Variants in CNTNAP2 observed in about 807,000 individuals in gnomAD.
The protein encoded by CNTNAP2 is contactin-associated protein-like 2.
CNTNAP2 carries 98 observed loss-of-function variants against 155.2 expected under a neutral mutation model. The observed-to-expected ratio is 0.63, with a 90% confidence interval of 0.54 to 0.75. The LOEUF (loss-of-function observed/expected upper bound fraction) is 0.75. Ranked by LOEUF, CNTNAP2 falls within the 30% of genes least tolerant of loss-of-function variation. CNTNAP2 has a pLI of 0.00. For synonymous variants in CNTNAP2, 651 were observed against 631.2 expected, an observed-to-expected ratio of 1.03 and a Z score of -0.47; for missense variants, 1,727 against 1,688.1, an observed-to-expected ratio of 1.02 and a Z score of -0.40.
At chr7:147,536,517 G>C (rs1304224305) in intron 11 of CNTNAP2, among the ~76,000 whole-genome samples, 1 of 152,180 alleles carries the variant, frequency 6.6e-6, no homozygotes, top group Non-Finnish European at 1.5e-5. Context: ...CCAGACCCCA[G>C]CTGCCTTGTG....
Position 147,132,179 on chromosome 7 carries a change from A to T in CNTNAP2, c.1084-66A>T, listed in dbSNP as rs532818751. 4.4e-6 allele frequency: 7 copies of T among 1,590,940 alleles called. No individual in the cohort carries two copies. In the East Asian group the frequency reaches 1.6e-4, roughly 36 times the overall value. On this transcript the variant is annotated intron_variant, in intron 7 of 23. Transcript: ENST00000361727. ...AAACTTGTAGAACTATACTTTCATC[A>T]GTGGTCTGACATGGATGTTCATTTT...
rs371090692 is a variant in CNTNAP2, at chr7:147,609,530, C to CAATT, written c.1898-29553_1898-29550dup. Among the ~76,000 whole-genome samples the CAATT allele has an allele frequency of 5.6e-3, 850 of 151,574 alleles. 10 individuals are homozygous for CAATT. Among genetic ancestry groups the CAATT allele is most frequent in the African/African-American group, 0.018 (753 of 41,236 alleles). On this transcript the variant is annotated intron_variant, in intron 12 of 23. Transcript: ENST00000361727. ...TGGGTGACAGAGCGAGACTCTGTCT[C>CAATT]AATTAATTAATTAATTAATTAATTA...
intron 15 of CNTNAP2, among the ~76,000 whole-genome samples, chr7:148,017,617 A>C (rs1802202986): frequency 6.6e-6 from 1 of 152,212 alleles, no homozygotes; most frequent in African/African-American, 2.4e-5. Flanking sequence ...AGTAGTAGCC[A>C]ATTGGTAAGT....
rs144839693 is a variant in CNTNAP2, at chr7:146,549,067, T to C, written c.98-225204T>C. 2.3e-3 allele frequency among the ~76,000 whole-genome samples: 346 copies of C among 151,930 alleles called. 1 individual carries two copies. The highest frequency in any genetic ancestry group is 7.8e-3 in the African/African-American group (324 of 41,516). On this transcript the variant is annotated intron_variant, in intron 1 of 23. Transcript: ENST00000361727. ...ATAAGAGTCCAATTTCCTTTTTTTT[T>C]TTTTGCATGTGGATGTTCAGTTTTG...
chr7:146,515,437 T>C (rs957777158), intron 1 of CNTNAP2, among the ~76,000 whole-genome samples: 10 of 152,136 alleles, frequency 6.6e-5, no homozygotes, highest in Non-Finnish European at 1.5e-4. Flanking sequence ...CATTTGTTTG[T>C]GGCCCTATGG....
At chr7:146,132,167 G>T (rs775281382) in intron 1 of CNTNAP2, among the ~76,000 whole-genome samples, 1 of 152,014 alleles carries the variant, frequency 6.6e-6, no homozygotes, top group African/African-American at 2.4e-5. Context: ...GCTAAAATAC[G>T]TTCTTTACAG....
chr7:146,506,342 G>A (rs1420319588), intron 1 of CNTNAP2, among the ~76,000 whole-genome samples: 1 of 152,216 alleles, frequency 6.6e-6, no homozygotes, highest in Non-Finnish European at 1.5e-5. Flanking sequence ...GGGTATGTCT[G>A]TGTCCACGCT....
chr7:146,626,265 G>A (rs528819887), intron 1 of CNTNAP2, among the ~76,000 whole-genome samples: 1 of 152,212 alleles, frequency 6.6e-6, no homozygotes, highest in African/African-American at 2.4e-5. Flanking sequence ...CTATGCAAAT[G>A]TTTTTGTTAA....
chr7:147,681,829 AT>A (rs1335329927), intron 13 of CNTNAP2, among the ~76,000 whole-genome samples: 13 of 151,794 alleles, frequency 8.6e-5, no homozygotes, highest in Admixed American at 7.9e-4. Context: ...ATTCATGTAA[AT>A]TTTATTACAG....
intron 10 of CNTNAP2, among the ~76,000 whole-genome samples, chr7:147,483,387 C>T (rs540543239): frequency 6.6e-6 from 1 of 152,164 alleles, no homozygotes; most frequent in African/African-American, 2.4e-5. Context: ...GTGGAACAAT[C>T]CCCTCACAGA....
intron 1 of CNTNAP2, among the ~76,000 whole-genome samples, chr7:146,185,688 T>C (rs1798612648): frequency 6.6e-6 from 1 of 152,122 alleles, no homozygotes; most frequent in African/African-American, 2.4e-5. Flanking sequence ...TCTAGTTCTT[T>C]CTCATTTCAT....
chr7:147,043,726 A>G (rs956115879), intron 3 of CNTNAP2, among the ~76,000 whole-genome samples, 181 bp from the exon 4 acceptor site: 1 of 152,236 alleles, frequency 6.6e-6, no homozygotes, highest in African/African-American at 2.4e-5. Flanking sequence ...CCTGTTTTCC[A>G]CTTAAAACTG....
In CNTNAP2 at chr7:148,413,404, ATATATATATATATAT is replaced by A. The variant is rs1799895689; in HGVS notation, c.3797-2012_3797-1998del. The stretch of plus-strand genomic sequence containing the variant: ...TGAAACTCCGTCTCAAAAAAAAAAT[ATATATATATATATAT>A]ATATATATATATATATATATATATA... On this transcript the variant is annotated intron_variant, in intron 23 of 23. Coordinates refer to ENST00000361727, the MANE Select transcript of CNTNAP2 (RefSeq NM_014141.6). Among the ~76,000 whole-genome samples the A allele has an allele frequency of 4.5e-4, 11 of 24,642 alleles. 1 individual carries two copies. The highest frequency in any genetic ancestry group is 7.7e-4 in the African/African-American group (6 of 7,812). The allele number at this position is 24,642 out of a possible 152,430, so 16.2% of individuals were successfully genotyped here. A position where few individuals can be genotyped will look rare whatever the true frequency, so the allele number is the denominator to read the frequency against.
chr7:148,119,957 T>C (rs1463378255), intron 16 of CNTNAP2, among the ~76,000 whole-genome samples: 1 of 151,938 alleles, frequency 6.6e-6, no homozygotes, highest in East Asian at 1.9e-4. Flanking sequence ...GAATTCTGGA[T>C]AAGAATAATT....
chr7:146,405,441 G>C (rs1427172028), intron 1 of CNTNAP2, among the ~76,000 whole-genome samples: 1 of 152,172 alleles, frequency 6.6e-6, no homozygotes, highest in African/African-American at 2.4e-5. Flanking sequence ...TTCATTTTAA[G>C]TTTTCTGGTA....
At chr7:147,326,240 C>G (rs1234999702) in intron 9 of CNTNAP2, among the ~76,000 whole-genome samples, 1 of 152,154 alleles carries the variant, frequency 6.6e-6, no homozygotes, top group Non-Finnish European at 1.5e-5. Context: ...ATTCTACTTG[C>G]TATCTTTATG....
At chr7:146,565,387 T>C (rs911749200) in intron 1 of CNTNAP2, among the ~76,000 whole-genome samples, 1 of 148,708 alleles carries the variant, frequency 6.7e-6, no homozygotes, top group Non-Finnish European at 1.5e-5. Flanking sequence ...TTCATAGCCA[T>C]TTTTTTTTTG....
chr7:146,439,312 T>C (rs1796287231), intron 1 of CNTNAP2, among the ~76,000 whole-genome samples: 1 of 148,264 alleles, frequency 6.7e-6, no homozygotes. Context: ...GCTTATCTAT[T>C]GATGTAGATG....
At chr7:147,617,676 A>G (rs770769116) in intron 12 of CNTNAP2, among the ~76,000 whole-genome samples, 13 of 152,172 alleles carry the variant, frequency 8.5e-5, no homozygotes, top group Non-Finnish European at 1.5e-4. Context: ...ACAGCACGCA[A>G]CCCAGAATTA....
Sources: allele counts gnomAD v4.1 joint callset (sites outside exome capture counted in the v4.1 genomes callset), GRCh38; gene constraint gnomAD v4.1.1; transcripts MANE v1.5; gene names NCBI Gene and HGNC (gene_info 2026-07-23, HGNC 2026-07-21).